Variants in ENKUR observed in about 807,000 individuals in gnomAD.
ENKUR encodes the protein enkurin, TRPC channel interacting protein, also known as enkurin.
In ENKUR, 19 loss-of-function variants were observed where a neutral mutation model predicts 27.6. That is an observed-to-expected ratio of 0.69 (90% CI 0.48 to 1.01). The LOEUF (loss-of-function observed/expected upper bound fraction) is 1.01, where lower values mean the gene tolerates loss of function less well. ENKUR is among the 50% of genes least tolerant of loss of function. The probability of loss-of-function intolerance (pLI) is 0.00; values close to 1 mark genes in which losing one functional copy is unlikely to be tolerated. For missense variants in ENKUR, 312 were observed against 310.5 expected (o/e 1.00, Z -0.04); for synonymous variants, 117 against 96.9 (o/e 1.21, Z -1.22).
chr10:25,039,842 C>T (rs1438317795), intron 2 of ENKUR, among the ~76,000 whole-genome samples: 1 of 151,546 alleles, frequency 6.6e-6, no homozygotes, highest in African/African-American at 2.4e-5. Flanking sequence ...TCAACTGGAG[C>T]TGGAGGATCC....
chr10:25,043,695 C>T (rs1851089821), intron 2 of ENKUR, among the ~76,000 whole-genome samples: 1 of 152,052 alleles, frequency 6.6e-6, no homozygotes, highest in African/African-American at 2.4e-5. Flanking sequence ...CGATTCTCTT[C>T]TGTTCTACTG....
intron 3 of ENKUR, among the ~76,000 whole-genome samples, chr10:24,993,185 G>GA (rs757036281): frequency 6.3e-4 from 95 of 151,940 alleles, no homozygotes; most frequent in Non-Finnish European, 1.1e-3. Flanking sequence ...ATACAGTTCA[G>GA]AAAAAAAACT....
intron 1 of ENKUR, among the ~76,000 whole-genome samples, chr10:25,008,698 C>T (rs984673240): frequency 6.6e-6 from 1 of 152,262 alleles, no homozygotes; most frequent in African/African-American, 2.4e-5. Flanking sequence ...GGAAGTGTGG[C>T]GATTCCTCAG....
At chr10:24,997,377 CTT>C (rs78966878) in intron 2 of ENKUR, among the ~76,000 whole-genome samples, 75 of 139,130 alleles carry the variant, frequency 5.4e-4, no homozygotes, top group African/African-American at 1.4e-3. Flanking sequence ...CCCTGCATTC[CTT>C]TTTTTTTTTT....
intron 2 of ENKUR, among the ~76,000 whole-genome samples, chr10:24,996,175 C>T (rs572034873): frequency 1.2e-4 from 18 of 152,270 alleles, no homozygotes; most frequent in Non-Finnish European, 1.8e-4. Context: ...AGGCCGGGCA[C>T]GGTGGCCCAC....
intron 2 of ENKUR, among the ~76,000 whole-genome samples, chr10:24,998,062 TCCATCTTG>T (rs1850103981): frequency 1.3e-5 from 2 of 152,296 alleles, no homozygotes; most frequent in Non-Finnish European, 2.9e-5. Context: ...ACTTGCTTCT[TCCATCTTG>T]CCATCTTGCC....
chr10:25,025,590 C>T, intron 2 of ENKUR: 1 of 860,202 alleles, frequency 1.2e-6, no homozygotes. Context: ...AAAGTCTGAT[C>T]TCTAGGGCTG....
intron 1 of ENKUR, among the ~76,000 whole-genome samples, chr10:25,003,327 C>T (rs910025236): frequency 1.3e-5 from 2 of 152,148 alleles, no homozygotes; most frequent in Non-Finnish European, 2.9e-5. Context: ...ATGCCTCTGC[C>T]TCCTGAGTAG....
chr10:25,032,500 G>A (rs1850948106), intron 2 of ENKUR, among the ~76,000 whole-genome samples: 1 of 152,128 alleles, frequency 6.6e-6, no homozygotes, highest in Non-Finnish European at 1.5e-5. Flanking sequence ...ATGGGGTGGG[G>A]AACAGTTTCC....
intron 2 of ENKUR, among the ~76,000 whole-genome samples, chr10:25,037,672 T>TC (rs974394750): frequency 3.3e-5 from 5 of 152,310 alleles, no homozygotes; most frequent in African/African-American, 1.2e-4. Context: ...TGCTCTTCTT[T>TC]CCTTTTGTCT....
At chr10:25,003,171 TTA>T (rs1258786370) in intron 1 of ENKUR, among the ~76,000 whole-genome samples, 6 of 149,906 alleles carry the variant, frequency 4.0e-5, no homozygotes, top group Admixed American at 2.0e-4. Context: ...AATTAATTAA[TTA>T]ATTAATTAAT....
At chr10:24,986,085 C>A (rs1004506191) in intron 4 of ENKUR, among the ~76,000 whole-genome samples, 1 of 152,064 alleles carries the variant, frequency 6.6e-6, no homozygotes, top group South Asian at 2.1e-4. Context: ...AAAAACAAAA[C>A]CAAAACTCCA....
chr10:25,059,330 C>T (rs1320781528), intron 2 of ENKUR, among the ~76,000 whole-genome samples: 3 of 151,892 alleles, frequency 2.0e-5, no homozygotes, highest in African/African-American at 7.3e-5. Context: ...CAGGGTTTCA[C>T]CATATCTTCC....
At chr10:25,023,247 T>A in intron 2 of ENKUR, 1 of 1,612,598 alleles carries the variant, frequency 6.2e-7, no homozygotes, top group Non-Finnish European at 8.5e-7. Context: ...ACCGATGTCA[T>A]CATCTGAAAA....
intron 1 of ENKUR, among the ~76,000 whole-genome samples, chr10:25,011,969 T>G (rs1448763324): frequency 2.0e-5 from 3 of 151,840 alleles, no homozygotes; most frequent in African/African-American, 7.3e-5. Flanking sequence ...GGAGAAAAAA[T>G]GGTTTCATGG....
At chr10:25,019,471 CTG>C (rs1481818969), upstream of ENKUR, among the ~76,000 whole-genome samples, 1 of 152,128 alleles carries the variant, frequency 6.6e-6, no homozygotes, top group Non-Finnish European at 1.5e-5. Context: ...GGGAGCCTGT[CTG>C]AAAAACAAAC....
At chr10:25,001,483 G>A (rs927188008) in intron 1 of ENKUR, among the ~76,000 whole-genome samples, 6 of 151,766 alleles carry the variant, frequency 4.0e-5, no homozygotes, top group South Asian at 2.1e-4. Context: ...TTCCTCATCC[G>A]TTTTCTCCTC....
chr10:25,055,656 T>A (rs1378308478), intron 2 of ENKUR, among the ~76,000 whole-genome samples: 3 of 151,784 alleles, frequency 2.0e-5, no homozygotes, highest in African/African-American at 7.3e-5. Context: ...ATGGCAATGA[T>A]CAAAAAATTA....
chr10:25,061,403 G>A, intron 1 of ENKUR: 1 of 435,106 alleles, frequency 2.3e-6, no homozygotes, highest in Non-Finnish European at 4.1e-6. Flanking sequence ...CAGATGGCAA[G>A]GTGGAACCTC....
Sources: gnomAD v4.1 joint callset for allele counts (sites outside exome capture counted in the v4.1 genomes callset) on GRCh38, gnomAD v4.1.1 for gene constraint, MANE v1.5 for transcripts, NCBI Gene and HGNC (gene_info 2026-07-23, HGNC 2026-07-21) for gene names.